Variants in AKAP12 observed in about 807,000 individuals in gnomAD.
The protein encoded by AKAP12 is A-kinase anchoring protein 12.
Under a neutral mutation model 79.9 loss-of-function variants are expected in AKAP12, and 32 were observed. The observed-to-expected ratio is 0.40, with a 90% CI of 0.30 to 0.54. The LOEUF (loss-of-function observed/expected upper bound fraction) is 0.54, where lower values mean the gene tolerates loss of function less well. Among genes scored for constraint, AKAP12 ranks in the 20% least tolerant of loss-of-function variants. The pLI is 0.48. For missense variants in AKAP12, 2,074 were observed against 2,177.0 expected, an observed-to-expected ratio of 0.95 and a Z score of 0.94; for synonymous variants, 808 against 857.0, an observed-to-expected ratio of 0.94 and a Z score of 1.00.
At chr6:151,256,983 T>C (rs906676724) in intron 2 of AKAP12, among the ~76,000 whole-genome samples, 1 of 149,824 alleles carries the variant, frequency 6.7e-6, no homozygotes, top group Admixed American at 6.6e-5. Flanking sequence ...TAACCAAATA[T>C]AGAGAGATTC....
At chr6:151,290,002 T>C (rs1209263664) in intron 2 of AKAP12, among the ~76,000 whole-genome samples, 1 of 152,248 alleles carries the variant, frequency 6.6e-6, no homozygotes, top group South Asian at 2.1e-4. Context: ...TGATACACTT[T>C]CGTGTTTAGA....
At chr6:151,301,269 A>C (rs1004710830) in intron 2 of AKAP12, among the ~76,000 whole-genome samples, 5 of 152,190 alleles carry the variant, frequency 3.3e-5, no homozygotes, top group Non-Finnish European at 7.4e-5. Context: ...AGACTGATTG[A>C]AGTTAAGCAA....
At chr6:151,252,305 C>G (rs1334706292) in intron 2 of AKAP12, among the ~76,000 whole-genome samples, 2 of 151,860 alleles carry the variant, frequency 1.3e-5, no homozygotes, top group Non-Finnish European at 2.9e-5. Context: ...TCAAGATTCT[C>G]ATGCCTCAGC....
Position 151,350,512 on chromosome 6 carries a change from GGGA to G in AKAP12, c.2126_2128del (p.Gly709del). ...ATGAGGAAGGGGGACCAAAAGCAAT[GGGA>G]GGAGACCACCAGAAAGCTGATGAGG... On this transcript the variant is annotated inframe_deletion, in exon 4 of 5. Transcript: ENST00000402676. This position sits in a 1 kb window ranked among gnomAD's most constrained non-coding sequence, Gnocchi z 4.8. The G allele has an allele frequency of 6.2e-7, 1 of 1,614,118 alleles. No individual in the cohort carries two copies.
chr6:151,291,322 ATG>A (rs1271725672), intron 2 of AKAP12, among the ~76,000 whole-genome samples: 2 of 152,160 alleles, frequency 1.3e-5, no homozygotes, highest in African/African-American at 4.8e-5. Flanking sequence ...ATTTGCCCAC[ATG>A]TCTCACAGCT....
intron 4 of AKAP12, among the ~76,000 whole-genome samples, chr6:151,354,530 T>C (rs1044031357): frequency 1.7e-4 from 26 of 151,922 alleles, no homozygotes; most frequent in East Asian, 1.2e-3. Context: ...CCCGCCACCA[T>C]ACCCAGCTAA....
chr6:151,252,191 GTTTC>G (rs1167337786), intron 2 of AKAP12, among the ~76,000 whole-genome samples: 4 of 151,152 alleles, frequency 2.6e-5, no homozygotes, highest in African/African-American at 9.7e-5. Flanking sequence ...TGAAGGTCAA[GTTTC>G]TTTCTTTTTT....
At chr6:151,336,721 C>T (rs187170138) in intron 3 of AKAP12, among the ~76,000 whole-genome samples, 10 of 152,244 alleles carry the variant, frequency 6.6e-5, no homozygotes, top group Admixed American at 5.9e-4. Context: ...CCAGCCTGGG[C>T]GACAGAGCGA....
intron 3 of AKAP12, among the ~76,000 whole-genome samples, chr6:151,345,768 G>C (rs1778077500): frequency 6.6e-6 from 1 of 150,684 alleles, no homozygotes; most frequent in African/African-American, 2.5e-5. Context: ...CTGCAGCCTG[G>C]GTGACAGAGT....
intron 3 of AKAP12, among the ~76,000 whole-genome samples, chr6:151,317,456 A>G (rs1310417176): frequency 1.3e-5 from 2 of 152,198 alleles, no homozygotes; most frequent in East Asian, 1.9e-4. Flanking sequence ...CCTGTCTCAC[A>G]TTAAAAGAAA....
intron 3 of AKAP12, chr6:151,325,525 C>G (rs1372486927): frequency 1.0e-6 from 1 of 984,960 alleles, no homozygotes; most frequent in Non-Finnish European, 1.2e-6. Flanking sequence ...ACGTGACCCC[C>G]TGCTTGTGCG....
intron 3 of AKAP12, among the ~76,000 whole-genome samples, chr6:151,342,955 G>A (rs1276368473): frequency 6.6e-6 from 1 of 152,114 alleles, no homozygotes; most frequent in East Asian, 1.9e-4. Context: ...TAGAGATGGG[G>A]TTTCACCACT....
At position 151,349,514 on chromosome 6, in the gene AKAP12, G is replaced by A. The variant is rs1330105568; in HGVS notation, c.1123G>A (p.Glu375Lys). Residue 375 changes from glutamate to lysine, a missense_variant, in exon 4 of 5, where the codon GAG (glutamate) becomes AAG (lysine). Glu to Lys is a moderately conservative substitution (Grantham distance 56). Coordinates refer to ENST00000402676, the MANE Select transcript of AKAP12 (RefSeq NM_005100.4). ...AHEPRLSAEYEKVELPSEEQV... is the reference protein window; with the variant it reads ...AHEPRLSAEYKKVELPSEEQV... ...CGAGCCCCGGTTATCAGCTGAATAT[G>A]AGAAAGTTGAGCTGCCCTCAGAGGA... 3.1e-6 allele frequency: 5 copies of A among 1,610,508 alleles called. No homozygotes were observed. Among genetic ancestry groups the A allele is most frequent in the Non-Finnish European group, 3.4e-6 (4 of 1,179,072 alleles).
intron 3 of AKAP12, among the ~76,000 whole-genome samples, chr6:151,345,172 T>G (rs933577962): frequency 6.6e-6 from 1 of 152,012 alleles, no homozygotes; most frequent in African/African-American, 2.4e-5. Context: ...ACCTCCCGGC[T>G]TCACACCATT....
intron 2 of AKAP12, among the ~76,000 whole-genome samples, chr6:151,298,153 AAAAAG>A (rs1193858153): frequency 2.0e-5 from 3 of 152,154 alleles, no homozygotes; most frequent in African/African-American, 4.8e-5. Context: ...CTATAGTTTA[AAAAAG>A]AAAAGAAAAG....
intron 2 of AKAP12, among the ~76,000 whole-genome samples, chr6:151,274,395 A>C (rs1271960246): frequency 6.6e-6 from 1 of 152,016 alleles, no homozygotes; most frequent in Non-Finnish European, 1.5e-5. Flanking sequence ...CAGTTCTTGA[A>C]GATCACCTGG....
intron 2 of AKAP12, among the ~76,000 whole-genome samples, chr6:151,304,621 G>A (rs1776938149): frequency 6.7e-6 from 1 of 149,554 alleles, no homozygotes; most frequent in Admixed American, 6.7e-5. Flanking sequence ...CTGGAGTGCT[G>A]TGGCTCAATC....
chr6:151,268,413 G>A (rs1476601035), intron 2 of AKAP12, among the ~76,000 whole-genome samples: 3 of 151,988 alleles, frequency 2.0e-5, no homozygotes, highest in East Asian at 1.9e-4. Context: ...GTGAAACTCC[G>A]TCTCAAAACA....
chr6:151,251,607 A>G (rs1290151110), intron 2 of AKAP12, among the ~76,000 whole-genome samples: 1 of 152,214 alleles, frequency 6.6e-6, no homozygotes, highest in East Asian at 1.9e-4. Context: ...TCAGTTATCT[A>G]CTGGTGTGTA....
Sources: gnomAD v4.1 joint callset for allele counts (sites outside exome capture counted in the v4.1 genomes callset) on GRCh38, gnomAD v4.1.1 for gene constraint, Gnocchi (gnomAD v3.1) non-coding constraint, MANE v1.5 for transcripts, NCBI Gene and HGNC (gene_info 2026-07-23, HGNC 2026-07-21) for gene names.